Variants in MAD1L1 observed in about 807,000 individuals in gnomAD.
MAD1L1 encodes the protein mitotic spindle assembly checkpoint protein MAD1.
Under a neutral mutation model 96.9 loss-of-function variants are expected in MAD1L1, and 95 were observed. The ratio of observed to expected loss-of-function variants is 0.98; its 90% CI spans 0.83 to 1.16. MAD1L1 has a LOEUF of 1.16. Ranked by LOEUF, MAD1L1 falls within the 50% of genes most tolerant of loss-of-function variation. The probability of loss-of-function intolerance (pLI) is 0.00; values close to 1 mark genes in which losing one functional copy is unlikely to be tolerated. For synonymous variants in MAD1L1, 473 were observed against 396.6 expected (o/e 1.19, Z -2.29); for missense variants, 1,007 against 954.4 (o/e 1.06, Z -0.73).
At chr7:1,848,669 G>A (rs1487694016) in intron 18 of MAD1L1, 1 of 154,442 alleles carries the variant, frequency 6.5e-6, no homozygotes, top group Non-Finnish European at 1.5e-5. Flanking sequence ...GCTGAATCCT[G>A]GCAGATGGGG....
intron 15 of MAD1L1, among the ~76,000 whole-genome samples, chr7:1,961,475 G>A (rs940131924): frequency 2.0e-5 from 3 of 152,202 alleles, no homozygotes; most frequent in East Asian, 1.9e-4. Context: ...GCAATTCAGC[G>A]TAGAAAGGAC....
At chr7:2,016,225 A>G (rs1025356420) in intron 12 of MAD1L1, among the ~76,000 whole-genome samples, 7 of 152,136 alleles carry the variant, frequency 4.6e-5, no homozygotes, top group Admixed American at 2.6e-4. Context: ...CCCAACACAC[A>G]TGCTGCGCAA....
chr7:2,132,914 C>T (rs182523655), intron 11 of MAD1L1, among the ~76,000 whole-genome samples: 119 of 152,324 alleles, frequency 7.8e-4, no homozygotes, highest in East Asian at 1.5e-3. Flanking sequence ...TCCCTCATGA[C>T]GGCTCATGCT....
intron 10 of MAD1L1, among the ~76,000 whole-genome samples, chr7:2,198,689 C>T (rs1277862376): frequency 6.6e-6 from 1 of 152,218 alleles, no homozygotes; most frequent in Non-Finnish European, 1.5e-5. Context: ...CTGATGTGTC[C>T]CACTCAGTTC....
At chr7:2,226,981 C>A (rs1463315783) in intron 3 of MAD1L1, among the ~76,000 whole-genome samples, 3 of 132,134 alleles carry the variant, frequency 2.3e-5, no homozygotes, top group Non-Finnish European at 3.2e-5. Flanking sequence ...GGCAAGAGTT[C>A]GTCTCAAAAA....
At chr7:1,877,734 G>C (rs1427711546) in intron 18 of MAD1L1, among the ~76,000 whole-genome samples, 1 of 152,058 alleles carries the variant, frequency 6.6e-6, no homozygotes, top group Non-Finnish European at 1.5e-5. Context: ...AGCAGGAGTG[G>C]CTATATTAAT....
intron 18 of MAD1L1, among the ~76,000 whole-genome samples, chr7:1,879,555 A>G (rs1223334646): frequency 6.6e-6 from 1 of 152,170 alleles, no homozygotes; most frequent in Non-Finnish European, 1.5e-5. Context: ...CTAGAAATTG[A>G]CAGGCGGATT....
chr7:2,173,070 A>G (rs1790785399), intron 10 of MAD1L1, among the ~76,000 whole-genome samples: 1 of 152,220 alleles, frequency 6.6e-6, no homozygotes, highest in Non-Finnish European at 1.5e-5. Flanking sequence ...TAGTCAAACT[A>G]CAAGGCTTGT....
At chr7:2,143,114 C>T (rs1177591842) in intron 11 of MAD1L1, among the ~76,000 whole-genome samples, 1 of 152,090 alleles carries the variant, frequency 6.6e-6, no homozygotes, top group East Asian at 1.9e-4. Flanking sequence ...AAAACCTGCA[C>T]CCTGAGCCAG....
At chr7:2,047,764 C>T (rs983304319) in intron 12 of MAD1L1, among the ~76,000 whole-genome samples, 2 of 149,716 alleles carry the variant, frequency 1.3e-5, no homozygotes, top group African/African-American at 4.9e-5. Context: ...CACATGCATA[C>T]AGAGAGCTGC....
At chr7:2,167,163 C>T (rs931419681) in intron 10 of MAD1L1, among the ~76,000 whole-genome samples, 1 of 152,162 alleles carries the variant, frequency 6.6e-6, no homozygotes, top group Non-Finnish European at 1.5e-5. Flanking sequence ...GGTGCTGCTG[C>T]AAGTGGGCGC....
At chr7:2,200,244 G>A (rs1792217277) in intron 10 of MAD1L1, 1 of 152,508 alleles carries the variant, frequency 6.6e-6, no homozygotes, top group Non-Finnish European at 1.5e-5. Context: ...GGAATGCAGG[G>A]TGGACACTTG....
At chr7:1,839,287 G>A (rs1277787306) in intron 18 of MAD1L1, among the ~76,000 whole-genome samples, 1 of 152,130 alleles carries the variant, frequency 6.6e-6, no homozygotes, top group Non-Finnish European at 1.5e-5. Flanking sequence ...ACCCAGGACA[G>A]ACACTCGGGG....
intron 16 of MAD1L1, among the ~76,000 whole-genome samples, chr7:1,952,813 A>C (rs993518299): frequency 2.6e-5 from 4 of 152,382 alleles, no homozygotes; most frequent in South Asian, 4.1e-4. Context: ...ACATGGTAGA[A>C]GGTTCAGGAG....
At chr7:1,865,014 C>A (rs766965514) in intron 18 of MAD1L1, among the ~76,000 whole-genome samples, 1 of 152,216 alleles carries the variant, frequency 6.6e-6, no homozygotes, top group African/African-American at 2.4e-5. Context: ...ACCTACCACG[C>A]CCGCAGCTCA....
At chr7:1,906,811 C>A (rs1221182886) in intron 17 of MAD1L1, among the ~76,000 whole-genome samples, 1 of 152,234 alleles carries the variant, frequency 6.6e-6, no homozygotes, top group Non-Finnish European at 1.5e-5. Flanking sequence ...CCTGCCCCTG[C>A]GCAAGCTACA....
intron 18 of MAD1L1, among the ~76,000 whole-genome samples, chr7:1,895,943 GC>G (rs1296237938): frequency 2.0e-5 from 3 of 152,242 alleles, no homozygotes; most frequent in Non-Finnish European, 4.4e-5. Flanking sequence ...AGGCGCCAAG[GC>G]TCCAGATCAC....
At chr7:2,214,792 A>C (rs1053223743) in intron 9 of MAD1L1, among the ~76,000 whole-genome samples, 4 of 152,168 alleles carry the variant, frequency 2.6e-5, no homozygotes, top group African/African-American at 7.2e-5. Flanking sequence ...ACACCTTCCT[A>C]CCAACTGCCG....
intron 10 of MAD1L1, among the ~76,000 whole-genome samples, chr7:2,162,110 C>G (rs1385833218): frequency 6.6e-6 from 1 of 152,094 alleles, no homozygotes; most frequent in Non-Finnish European, 1.5e-5. Flanking sequence ...TCATTGAGAA[C>G]GGGCCATGAT....
Sources: allele counts gnomAD v4.1 joint callset (sites outside exome capture counted in the v4.1 genomes callset), GRCh38; gene constraint gnomAD v4.1.1; transcripts MANE v1.5; gene names NCBI Gene and HGNC (gene_info 2026-07-23, HGNC 2026-07-21).